The following RAD51B variants were observed in gnomAD, a reference collection of about 807,000 sequenced individuals.
RAD51B encodes RAD51 paralog B.
A neutral mutation model predicts 42.2 loss-of-function variants in RAD51B; 38 were observed. The observed-to-expected ratio is 0.90, with a 90% CI of 0.70 to 1.18. The LOEUF (loss-of-function observed/expected upper bound fraction) is 1.18. Among genes scored for constraint, RAD51B ranks in the 50% most tolerant of loss-of-function variants. The pLI is 0.00. For missense variants in RAD51B, 373 were observed against 400.7 expected, an observed-to-expected ratio of 0.93 and a Z score of 0.59; for synonymous variants, 154 against 145.2, an observed-to-expected ratio of 1.06 and a Z score of -0.43.
intron 10 of RAD51B, among the ~76,000 whole-genome samples, chr14:68,566,633 A>G (rs570590773): frequency 1.6e-4 from 24 of 152,250 alleles, no homozygotes; most frequent in Non-Finnish European, 3.1e-4. Flanking sequence ...GGCTCACAGC[A>G]TACACCTACC....
intron 10 of RAD51B, among the ~76,000 whole-genome samples, chr14:68,499,165 C>T (rs1480767702): frequency 6.6e-6 from 1 of 152,200 alleles, no homozygotes; most frequent in Non-Finnish European, 1.5e-5. Context: ...AGTTTTTGCA[C>T]TCGTAAGCCT....
At chr14:67,981,153 C>T (rs1209076130) in intron 7 of RAD51B, among the ~76,000 whole-genome samples, 1 of 152,060 alleles carries the variant, frequency 6.6e-6, no homozygotes, top group Non-Finnish European at 1.5e-5. Context: ...AGTTCGAGAC[C>T]ATAAGCACAT....
chr14:67,823,863 G>A (rs1594955609), intron 2 of RAD51B, among the ~76,000 whole-genome samples: 1 of 152,154 alleles, frequency 6.6e-6, no homozygotes, highest in African/African-American at 2.4e-5. Context: ...CACGGCATAA[G>A]GTGAAGTAAC....
intron 7 of RAD51B, among the ~76,000 whole-genome samples, chr14:68,017,620 T>G (rs997397436): frequency 6.6e-6 from 1 of 152,174 alleles, no homozygotes; most frequent in African/African-American, 2.4e-5. Context: ...TTACAGTCTA[T>G]CATAGATTTT....
chr14:68,014,488 T>C (rs1462572162), intron 7 of RAD51B, among the ~76,000 whole-genome samples: 1 of 152,150 alleles, frequency 6.6e-6, no homozygotes, highest in Non-Finnish European at 1.5e-5. Context: ...AGTTACCAGA[T>C]AGAAGCATAT....
chr14:68,291,716 G>A (rs1017589850), intron 7 of RAD51B, among the ~76,000 whole-genome samples, 168 bp from the exon 8 acceptor site: 7 of 152,158 alleles, frequency 4.6e-5, no homozygotes, highest in African/African-American at 1.7e-4. Flanking sequence ...AGATAATTCT[G>A]GCCTAAAGAT....
At chr14:67,991,808 C>CT (rs2075301013) in intron 7 of RAD51B, among the ~76,000 whole-genome samples, 1 of 151,982 alleles carries the variant, frequency 6.6e-6, no homozygotes, top group Non-Finnish European at 1.5e-5. Flanking sequence ...GCAGATATCT[C>CT]TTTGATATAG....
chr14:68,143,428 A>T (rs2078177789), intron 7 of RAD51B, among the ~76,000 whole-genome samples: 1 of 152,232 alleles, frequency 6.6e-6, no homozygotes, highest in South Asian at 2.1e-4. Context: ...AGAAAATACA[A>T]ATGGGCCAGC....
chr14:68,010,030 G>A (rs1412570411), intron 7 of RAD51B, among the ~76,000 whole-genome samples: 6 of 151,844 alleles, frequency 4.0e-5, no homozygotes, highest in African/African-American at 1.4e-4. Context: ...GTGAACAATT[G>A]AGTAGTTTCT....
intron 7 of RAD51B, among the ~76,000 whole-genome samples, chr14:68,143,745 A>C (rs1211448812): frequency 6.6e-6 from 1 of 152,182 alleles, no homozygotes; most frequent in East Asian, 1.9e-4. Context: ...GGGGGCTTTG[A>C]AAAGCAGCTG....
At chr14:67,868,436 C>T (rs529860636) in intron 5 of RAD51B, among the ~76,000 whole-genome samples, 164 of 152,356 alleles carry the variant, frequency 1.1e-3, no homozygotes, top group African/African-American at 3.6e-3. Context: ...GAGGGTCCTA[C>T]GCCCATGGAG....
At chr14:68,549,950 C>A (rs928675795) in intron 10 of RAD51B, among the ~76,000 whole-genome samples, 4 of 152,266 alleles carry the variant, frequency 2.6e-5, no homozygotes, top group Admixed American at 1.3e-4. Context: ...TTCCAGCTGT[C>A]CCCCACATCT....
intron 7 of RAD51B, among the ~76,000 whole-genome samples, chr14:68,043,446 T>A (rs1414176608): frequency 6.6e-6 from 1 of 152,218 alleles, no homozygotes; most frequent in Non-Finnish European, 1.5e-5. Context: ...GGAAAAGATA[T>A]CTGATGACTG....
chr14:68,521,947 CTA>C (rs1566924657), intron 10 of RAD51B, among the ~76,000 whole-genome samples: 1 of 152,090 alleles, frequency 6.6e-6, no homozygotes, highest in African/African-American at 2.4e-5. Flanking sequence ...AACTTCAGCC[CTA>C]TGTTAACTGA....
At chr14:67,862,045 A>G (rs2042180743) in intron 4 of RAD51B, among the ~76,000 whole-genome samples, 1 of 152,182 alleles carries the variant, frequency 6.6e-6, no homozygotes, top group South Asian at 2.1e-4. Flanking sequence ...GACAGTAGGA[A>G]TAAATTTTGG....
intron 7 of RAD51B, among the ~76,000 whole-genome samples, chr14:67,974,216 G>A (rs1182044294): frequency 2.0e-5 from 3 of 152,066 alleles, no homozygotes; most frequent in Admixed American, 6.6e-5. Context: ...GTGTTCTAAG[G>A]TAGACAAATG....
At chr14:68,546,496 A>T (rs1888242227) in intron 10 of RAD51B, among the ~76,000 whole-genome samples, 1 of 152,202 alleles carries the variant, frequency 6.6e-6, no homozygotes, top group African/African-American at 2.4e-5. Context: ...ATGATTTGAG[A>T]CAACCATAGA....
At chr14:68,633,292 C>T (rs1248565165) in intron 10 of RAD51B, among the ~76,000 whole-genome samples, 1 of 152,110 alleles carries the variant, frequency 6.6e-6, no homozygotes, top group Non-Finnish European at 1.5e-5. Flanking sequence ...GTGAGGCAAA[C>T]AGCTGTGATC....
chr14:68,288,314 T>A (rs939023981), intron 7 of RAD51B, among the ~76,000 whole-genome samples: 1 of 152,260 alleles, frequency 6.6e-6, no homozygotes, highest in Non-Finnish European at 1.5e-5. Flanking sequence ...CCACAACAAT[T>A]CAGTAAGATG....
Sources: allele counts gnomAD v4.1 joint callset (sites outside exome capture counted in the v4.1 genomes callset), GRCh38; gene constraint gnomAD v4.1.1; transcripts MANE v1.5; gene names NCBI Gene and HGNC (gene_info 2026-07-23, HGNC 2026-07-21).